ESCO2: variants seen among roughly 807,000 people sequenced by gnomAD.
ESCO2 encodes establishment of sister chromatid cohesion N-acetyltransferase 2.
A neutral mutation model predicts 61.7 loss-of-function variants in ESCO2; 51 were observed. The ratio of observed to expected loss-of-function variants is 0.83; its 90% CI spans 0.66 to 1.04. The LOEUF (loss-of-function observed/expected upper bound fraction) is 1.04, where lower values mean the gene tolerates loss of function less well. ESCO2 is among the 50% of genes least tolerant of loss of function. The pLI is 0.00. For synonymous variants in ESCO2, 230 were observed against 238.2 expected (o/e 0.97, Z 0.32); for missense variants, 692 against 686.2 (o/e 1.01, Z -0.09).
intron 3 of ESCO2, chr8:27,779,395 A>G (rs931673564): frequency 2.0e-5 from 3 of 152,188 alleles, no homozygotes; most frequent in Admixed American, 1.3e-4. Flanking sequence ...CCAAATTAGT[A>G]TGAGGGAAAT....
chr8:27,814,652 C>A (rs1563488599), downstream of ESCO2, among the ~76,000 whole-genome samples: 1 of 152,108 alleles, frequency 6.6e-6, no homozygotes, highest in Non-Finnish European at 1.5e-5. Context: ...CTATAGATTT[C>A]CCTCTGAGCC....
rs1479247105 is a variant in ESCO2, at chr8:27,785,063, AATTT to A, written c.1013+1011_1013+1014del. Among the ~76,000 whole-genome samples the A allele has an allele frequency of 6.6e-5, 10 of 152,314 alleles. No homozygotes were observed. In the East Asian group the frequency reaches 1.9e-3, roughly 29 times the overall value. On this transcript the variant is annotated intron_variant, in intron 5 of 10. Coordinates refer to ENST00000305188, the MANE Select transcript of ESCO2 (RefSeq NM_001017420.3). Reference sequence around the variant, plus strand: ...GACTAGGTAATTTATAATGGACAGAAATTTATTTGGCTCACAGTTATAGAGGCTG... The same window carrying A: ...GACTAGGTAATTTATAATGGACAGAAATTTGGCTCACAGTTATAGAGGCTG...
Position 27,784,048 on chromosome 8 carries a change from AT to A in ESCO2, c.1006del (p.Ser336GlnfsTer5), listed in dbSNP as rs1433344681. The A allele has an allele frequency of 1.9e-6, 3 of 1,613,280 alleles. No individual in the cohort carries two copies. The highest frequency in any genetic ancestry group is 1.3e-5 in the African/African-American group (1 of 74,890). On this transcript the variant is annotated frameshift_variant, in exon 5 of 11. Transcript: ENST00000305188. LOFTEE classifies it high-confidence loss of function. ...VYPIFSASSVNSKRSLGEEQF... is the reference protein window; with the variant it reads ...VYPIFSASSVXSKRSLGEEQF... ...CCAATCTTCAGTGCATCTTCAGTCA[AT>A]TCAAAAAGGTGAGAATTGTTATTGT...
intron 5 of ESCO2, among the ~76,000 whole-genome samples, chr8:27,784,693 G>A (rs1804998908): frequency 6.6e-6 from 1 of 152,174 alleles, no homozygotes; most frequent in African/African-American, 2.4e-5. Context: ...GAGGAGGCAT[G>A]GATGGGTAGA....
intron 9 of ESCO2, 47 bp downstream of exon 9, chr8:27,792,858 TAAAG>T (rs764276969): frequency 2.1e-5 from 32 of 1,540,364 alleles, no homozygotes; most frequent in South Asian, 3.8e-5. Flanking sequence ...GCAGGCAAAA[TAAAG>T]AAAAGTTGGG....
At chr8:27,801,945 G>A (rs1563481869) in intron 10 of ESCO2, among the ~76,000 whole-genome samples, 1 of 124,922 alleles carries the variant, frequency 8.0e-6, no homozygotes, top group Non-Finnish European at 1.7e-5. Context: ...ACTTTTGTCT[G>A]TTGTCTCAAA....
At chr8:27,786,519 G>A (rs1805045051) in intron 5 of ESCO2, among the ~76,000 whole-genome samples, 1 of 152,192 alleles carries the variant, frequency 6.6e-6, no homozygotes. Flanking sequence ...ACAGTTTGCT[G>A]TTTGCTCATA....
chr8:27,793,973 A>G (rs1224225369), intron 9 of ESCO2, among the ~76,000 whole-genome samples: 2 of 152,202 alleles, frequency 1.3e-5, no homozygotes, highest in African/African-American at 4.8e-5. Context: ...TAGATTCAGT[A>G]TGTAAGTGAG....
At chr8:27,807,885 AAT>A (rs1805594046), downstream of ESCO2, among the ~76,000 whole-genome samples, 2 of 152,124 alleles carry the variant, frequency 1.3e-5, no homozygotes, top group African/African-American at 2.4e-5. Flanking sequence ...CCCTTATAAA[AAT>A]AGAGGGTCGG....
At chr8:27,806,671 G>A (rs1805570843), downstream of ESCO2, among the ~76,000 whole-genome samples, 1 of 150,420 alleles carries the variant, frequency 6.6e-6, no homozygotes, top group African/African-American at 2.5e-5. Flanking sequence ...CCAGGCTGGA[G>A]TGCATTGGCA....
At chr8:27,773,227 C>T (rs1262591542), upstream of ESCO2, among the ~76,000 whole-genome samples, 2 of 152,164 alleles carry the variant, frequency 1.3e-5, no homozygotes, top group Admixed American at 1.3e-4. Flanking sequence ...ACTGAAACTA[C>T]CTGCTTCTGC....
At chr8:27,811,208 G>C, downstream of ESCO2, 1 of 1,357,498 alleles carries the variant, frequency 7.4e-7, no homozygotes, top group Non-Finnish European at 1.0e-6. Flanking sequence ...AGGGAAACAG[G>C]CGAACGATTT....
chr8:27,801,663 C>T (rs1453167098), intron 10 of ESCO2, among the ~76,000 whole-genome samples: 1 of 151,840 alleles, frequency 6.6e-6, no homozygotes, highest in Middle Eastern at 3.4e-3. Flanking sequence ...ATTTTTATTC[C>T]GAAATAATTT....
chr8:27,794,530 C>A (rs1805252991), intron 9 of ESCO2, among the ~76,000 whole-genome samples: 2 of 152,068 alleles, frequency 1.3e-5, no homozygotes, highest in African/African-American at 4.8e-5. Flanking sequence ...TTTTTCCAAT[C>A]AGTAGGTTGG....
intron 9 of ESCO2, among the ~76,000 whole-genome samples, chr8:27,794,387 C>T (rs1003112938): frequency 2.0e-5 from 3 of 152,058 alleles, no homozygotes; most frequent in African/African-American, 7.2e-5. Flanking sequence ...TATGTCTGTT[C>T]CTGATTTGTA....
At chr8:27,814,757 T>C (rs940206623), downstream of ESCO2, among the ~76,000 whole-genome samples, 3 of 152,214 alleles carry the variant, frequency 2.0e-5, no homozygotes, top group African/African-American at 4.8e-5. Context: ...ATTTGACCCA[T>C]AGGTTATTTA....
At chr8:27,802,213 A>G (rs559772908) in intron 10 of ESCO2, among the ~76,000 whole-genome samples, 1 of 151,576 alleles carries the variant, frequency 6.6e-6, no homozygotes, top group Admixed American at 6.6e-5. Context: ...ATTACTTTTA[A>G]TCCTAAGGTA....
At chr8:27,775,651 G>C in intron 2 of ESCO2, 84 bp downstream of exon 2, 1 of 1,348,564 alleles carries the variant, frequency 7.4e-7, no homozygotes, top group South Asian at 1.2e-5. Context: ...TAAAATTTTC[G>C]TTCTTCCACT....
chr8:27,785,481 C>A (rs1477837815), intron 5 of ESCO2, among the ~76,000 whole-genome samples: 1 of 152,156 alleles, frequency 6.6e-6, no homozygotes, highest in African/African-American at 2.4e-5. Flanking sequence ...GTGGGTGGAT[C>A]ACCTGAGGTC....
Sources: gnomAD v4.1 joint callset for allele counts (sites outside exome capture counted in the v4.1 genomes callset) on GRCh38, gnomAD v4.1.1 for gene constraint, MANE v1.5 for transcripts, NCBI Gene and HGNC (gene_info 2026-07-23, HGNC 2026-07-21) for gene names.